Variants in ENOX2 observed in about 807,000 individuals in gnomAD.
ENOX2 encodes the protein APK1 antigen.
In ENOX2, 36 loss-of-function variants were observed where a neutral mutation model predicts 45.0. The ratio of observed to expected loss-of-function variants is 0.80; its 90% CI spans 0.61 to 1.06. The LOEUF is 1.06. Among genes scored for constraint, ENOX2 ranks in the 50% least tolerant of loss-of-function variants. The pLI, the probability that ENOX2 is intolerant of heterozygous loss-of-function variation, is 0.00. For synonymous variants in ENOX2, 174 were observed against 152.3 expected, an observed-to-expected ratio of 1.14 and a Z score of -1.05; for missense variants, 423 against 462.5, an observed-to-expected ratio of 0.91 and a Z score of 0.78.
At chrX:130,754,727 G>A (rs777474631) in intron 3 of ENOX2, among the ~76,000 whole-genome samples, 33 of 109,381 alleles carry the variant, frequency 3.0e-4, no homozygotes, top group African/African-American at 1.1e-3. Context: ...TCAACACGGG[G>A]GATTACAAAA....
chrX:130,722,011 T>C (rs1307292632), intron 3 of ENOX2, among the ~76,000 whole-genome samples: 1 of 111,794 alleles, frequency 8.9e-6, no homozygotes, highest in Non-Finnish European at 1.9e-5. Context: ...GAGTCCATCT[T>C]TGGATTTTTC....
intron 2 of ENOX2, among the ~76,000 whole-genome samples, chrX:130,854,609 T>A (rs2078273964): frequency 9.1e-6 from 1 of 110,012 alleles, no homozygotes; most frequent in Non-Finnish European, 1.9e-5. Context: ...ATTAAACTAC[T>A]GAAAACTAAA....
chrX:130,902,626 A>C (rs1170544814), intron 1 of ENOX2, among the ~76,000 whole-genome samples: 1 of 109,199 alleles, frequency 9.2e-6, no homozygotes, highest in Non-Finnish European at 1.9e-5. Context: ...TATGTGCCCA[A>C]ACCTGAAATA....
intron 3 of ENOX2, among the ~76,000 whole-genome samples, chrX:130,710,607 T>C (rs2038164258): frequency 8.9e-6 from 1 of 112,180 alleles, no homozygotes; most frequent in Non-Finnish European, 1.9e-5. Flanking sequence ...TGAGAAATCC[T>C]GCTCTACTGT....
intron 3 of ENOX2, among the ~76,000 whole-genome samples, chrX:130,713,130 A>G (rs937464580): frequency 2.7e-5 from 3 of 112,374 alleles, no homozygotes; most frequent in African/African-American, 9.7e-5. Context: ...CTCCAGAGAC[A>G]ACACGTTTAA....
At chrX:130,824,224 T>G (rs1451712316) in intron 2 of ENOX2, among the ~76,000 whole-genome samples, 1 of 111,577 alleles carries the variant, frequency 9.0e-6, no homozygotes, top group Non-Finnish European at 1.9e-5. Context: ...ACAAATAACA[T>G]GATATCTACC....
At chrX:130,717,805 T>C (rs2038367855) in intron 3 of ENOX2, among the ~76,000 whole-genome samples, 1 of 111,371 alleles carries the variant, frequency 9.0e-6, no homozygotes, top group African/African-American at 3.3e-5. Context: ...AAAAAGAATA[T>C]CACTATTACC....
At chrX:130,862,619 A>G (rs774746690) in intron 2 of ENOX2, among the ~76,000 whole-genome samples, 1 of 110,392 alleles carries the variant, frequency 9.1e-6, no homozygotes, top group East Asian at 2.8e-4. Flanking sequence ...ACATTTGCCT[A>G]TCTCCCCCTT....
intron 4 of ENOX2, 115 bp downstream of exon 4, chrX:130,703,005 C>A: frequency 2.4e-6 from 2 of 824,625 alleles, no homozygotes; most frequent in Non-Finnish European, 3.4e-6. Context: ...AAAATGCACA[C>A]TCTAGGCAGA....
chrX:130,679,511 G>T, intron 6 of ENOX2, 31 bp downstream of exon 6: 1 of 1,104,375 alleles, frequency 9.1e-7, no homozygotes, highest in Non-Finnish European at 1.3e-6. Context: ...GTTGTGCCTG[G>T]TGGGCACAAT....
At chrX:130,851,307 A>AT (rs1338015132) in intron 2 of ENOX2, among the ~76,000 whole-genome samples, 1 of 111,377 alleles carries the variant, frequency 9.0e-6, no homozygotes, top group Non-Finnish European at 1.9e-5. Context: ...ATGGATATAT[A>AT]TTTTTTGGGT....
At chrX:130,839,983 A>G (rs1414422243) in intron 2 of ENOX2, among the ~76,000 whole-genome samples, 3 of 111,677 alleles carry the variant, frequency 2.7e-5, no homozygotes, top group Non-Finnish European at 5.6e-5. Context: ...CATCTTGGAT[A>G]GGCTCTACTC....
intron 2 of ENOX2, among the ~76,000 whole-genome samples, chrX:130,850,110 T>C (rs948609685): frequency 2.7e-5 from 3 of 112,056 alleles, no homozygotes; most frequent in Admixed American, 9.5e-5. Context: ...CTTTATTCAA[T>C]TCAGTCCAAC....
chrX:130,692,583 T>G (rs1249832662), intron 4 of ENOX2, among the ~76,000 whole-genome samples: 1 of 104,872 alleles, frequency 9.5e-6, no homozygotes, highest in East Asian at 3.0e-4. Context: ...TCTCTCTGTT[T>G]TTTTTTTTTT....
At chrX:130,645,636 G>A (rs1002954033) in intron 10 of ENOX2, 3 of 415,674 alleles carry the variant, frequency 7.2e-6, no homozygotes, top group Non-Finnish European at 1.2e-5. Flanking sequence ...GCCCGCGCCC[G>A]CCTGGAGGGA....
intron 2 of ENOX2, among the ~76,000 whole-genome samples, chrX:130,887,066 T>C (rs1250401444): frequency 8.9e-6 from 1 of 111,799 alleles, no homozygotes; most frequent in Non-Finnish European, 1.9e-5. Context: ...ACATTATAGC[T>C]GGGGGCAGGC....
At chrX:130,841,916 C>T (rs914156536) in intron 2 of ENOX2, among the ~76,000 whole-genome samples, 1 of 112,226 alleles carries the variant, frequency 8.9e-6, no homozygotes, top group African/African-American at 3.2e-5. Context: ...AAAAGAAATT[C>T]GCTCCTCCTC....
intron 9 of ENOX2, among the ~76,000 whole-genome samples, chrX:130,661,874 T>A (rs184554253): frequency 4.5e-4 from 50 of 112,238 alleles, no homozygotes; most frequent in African/African-American, 1.6e-3. Context: ...AGTATTTCAT[T>A]TTACAAGAAT....
intron 13 of ENOX2, among the ~76,000 whole-genome samples, chrX:130,629,134 G>C (rs2035625481): frequency 8.9e-6 from 1 of 111,882 alleles, no homozygotes; most frequent in African/African-American, 3.2e-5. Context: ...CTGAGGGCAG[G>C]GCTCAAAATC....
Sources: allele counts gnomAD v4.1 joint callset (sites outside exome capture counted in the v4.1 genomes callset), GRCh38; gene constraint gnomAD v4.1.1; transcripts MANE v1.5; gene names NCBI Gene and HGNC (gene_info 2026-07-23, HGNC 2026-07-21).